The following STK32A variants were observed in gnomAD, a reference collection of about 807,000 sequenced individuals.
The protein encoded by STK32A is serine/threonine kinase 32A.
In STK32A, 41 loss-of-function variants were observed where a neutral mutation model predicts 53.2. The ratio of observed to expected loss-of-function variants is 0.77; its 90% CI spans 0.60 to 1.00. STK32A has a LOEUF of 1.00. STK32A is among the 50% of genes least tolerant of loss of function. The pLI, the probability that STK32A is intolerant of heterozygous loss-of-function variation, is 0.00. For missense variants in STK32A, 458 were observed against 485.8 expected (o/e 0.94, Z 0.54); for synonymous variants, 166 against 162.8 (o/e 1.02, Z -0.15).
chr5:147,333,129 T>C (rs1754952431), intron 5 of STK32A, among the ~76,000 whole-genome samples: 1 of 152,180 alleles, frequency 6.6e-6, no homozygotes, highest in Non-Finnish European at 1.5e-5. Context: ...TAACACATAA[T>C]ATTGATCAAT....
the STK32A span, among the ~76,000 whole-genome samples, chr5:147,395,283 C>T: frequency 2.6e-5 from 4 of 152,204 alleles, no homozygotes; most frequent in African/African-American, 7.2e-5. Context: ...ACCAGCTCCC[C>T]GACCCTGCCC....
intron 11 of STK32A, among the ~76,000 whole-genome samples, chr5:147,381,158 A>G (rs970784523): frequency 3.9e-5 from 6 of 152,174 alleles, no homozygotes; most frequent in African/African-American, 9.7e-5. Flanking sequence ...CTTTTCAAGA[A>G]CAGTTCTGCC....
the STK32A span, chr5:147,395,499 C>G: frequency 1.9e-6 from 3 of 1,551,470 alleles, no homozygotes; most frequent in East Asian, 7.2e-5. Flanking sequence ...CCTGTGGCCT[C>G]AGAACATTGA....
intron 2 of STK32A, among the ~76,000 whole-genome samples, chr5:147,245,733 C>T (rs1370852925): frequency 6.6e-6 from 1 of 152,186 alleles, no homozygotes; most frequent in East Asian, 1.9e-4. Context: ...TAAAAAGCTG[C>T]TCTAAAGAGT....
intron 4 of STK32A, among the ~76,000 whole-genome samples, chr5:147,322,839 C>G (rs1754383728): frequency 6.6e-6 from 1 of 152,136 alleles, no homozygotes; most frequent in Non-Finnish European, 1.5e-5. Context: ...CCCTACACTC[C>G]TTCCTGTGTG....
intron 4 of STK32A, among the ~76,000 whole-genome samples, chr5:147,286,295 G>A (rs935857003): frequency 6.6e-6 from 1 of 151,948 alleles, no homozygotes. Flanking sequence ...AGGGGGGCGA[G>A]GGATACAAGA....
intron 7 of STK32A, among the ~76,000 whole-genome samples, chr5:147,357,836 TTAAA>T (rs1380149142): frequency 6.6e-6 from 1 of 152,130 alleles, no homozygotes; most frequent in African/African-American, 2.4e-5. Flanking sequence ...AGACTATGTA[TTAAA>T]TAAGTCCCTT....
chr5:147,360,707 A>T (rs1290255474), intron 7 of STK32A, among the ~76,000 whole-genome samples: 2 of 152,168 alleles, frequency 1.3e-5, no homozygotes, highest in African/African-American at 4.8e-5. Flanking sequence ...TCTGAATGCC[A>T]GATTCTGTAT....
chr5:147,287,286 G>A (rs1054584840), intron 4 of STK32A, among the ~76,000 whole-genome samples: 10 of 152,024 alleles, frequency 6.6e-5, no homozygotes, highest in Admixed American at 1.3e-4. Context: ...ACATTTTAAT[G>A]CGTCCATTAT....
intron 5 of STK32A, among the ~76,000 whole-genome samples, chr5:147,332,792 C>T (rs768005483): frequency 2.0e-5 from 3 of 152,118 alleles, no homozygotes; most frequent in African/African-American, 4.8e-5. Context: ...CCCGAGCTAC[C>T]GAATAATGAA....
intron 2 of STK32A, among the ~76,000 whole-genome samples, chr5:147,269,051 G>T (rs764490637): frequency 1.1e-4 from 16 of 152,170 alleles, no homozygotes; most frequent in Non-Finnish European, 1.9e-4. Flanking sequence ...CTACCACTCT[G>T]CCACTTACCT....
chr5:147,388,589 T>C (rs1306968041), downstream of STK32A, among the ~76,000 whole-genome samples: 1 of 152,244 alleles, frequency 6.6e-6, no homozygotes, highest in Non-Finnish European at 1.5e-5. Context: ...TCTCATTTCC[T>C]CAGGTTACTT....
At chr5:147,314,569 A>C (rs2151973218) in intron 4 of STK32A, among the ~76,000 whole-genome samples, 1 of 151,416 alleles carries the variant, frequency 6.6e-6, no homozygotes, top group African/African-American at 2.4e-5. Flanking sequence ...AGTCAATAAT[A>C]AAAACAGAAA....
At chr5:147,310,494 A>G (rs754767029) in intron 4 of STK32A, among the ~76,000 whole-genome samples, 2 of 152,150 alleles carry the variant, frequency 1.3e-5, no homozygotes, top group African/African-American at 2.4e-5. Flanking sequence ...GTCACAATGT[A>G]TGACTCAGCA....
chr5:147,269,304 C>T (rs1490726573), intron 2 of STK32A, among the ~76,000 whole-genome samples: 1 of 152,156 alleles, frequency 6.6e-6, no homozygotes. Flanking sequence ...TTCTTTCTCC[C>T]AGCACCTAGC....
intron 4 of STK32A, among the ~76,000 whole-genome samples, chr5:147,308,564 T>C (rs72831359): frequency 0.091 from 13,871 of 152,188 alleles, 831 homozygotes; most frequent in East Asian, 0.15. Context: ...TTGAGAACAA[T>C]GTTGAATAAA....
chr5:147,263,103 C>A (rs908201251), intron 2 of STK32A, among the ~76,000 whole-genome samples: 1 of 152,064 alleles, frequency 6.6e-6, no homozygotes, highest in African/African-American at 2.4e-5. Context: ...ATGGAGGGAT[C>A]GGGTAGATAA....
At chr5:147,284,760 C>T (rs1752250674) in intron 4 of STK32A, among the ~76,000 whole-genome samples, 1 of 151,530 alleles carries the variant, frequency 6.6e-6, no homozygotes, top group Non-Finnish European at 1.5e-5. Context: ...AGAAAGACCT[C>T]TACAAGGAAA....
intron 4 of STK32A, among the ~76,000 whole-genome samples, chr5:147,314,224 G>A (rs1354913908): frequency 1.3e-5 from 2 of 152,050 alleles, no homozygotes; most frequent in South Asian, 2.1e-4. Flanking sequence ...GGGGCCAGGC[G>A]CTGTGGCTCA....
Sources: allele counts gnomAD v4.1 joint callset (sites outside exome capture counted in the v4.1 genomes callset), GRCh38; gene constraint gnomAD v4.1.1; transcripts MANE v1.5; gene names NCBI Gene and HGNC (gene_info 2026-07-23, HGNC 2026-07-21).